The following UGCG variants were observed in gnomAD, a reference collection of about 807,000 sequenced individuals.
UGCG encodes UDP-glucose ceramide glucosyltransferase, also known as ceramide glucosyltransferase.
A neutral mutation model predicts 49.5 loss-of-function variants in UGCG; 10 were observed. That is an observed-to-expected ratio of 0.20 (90% CI 0.12 to 0.34). The LOEUF (loss-of-function observed/expected upper bound fraction) is 0.34, where lower values mean the gene tolerates loss of function less well. UGCG is among the 10% of genes least tolerant of loss of function. UGCG has a pLI of 1.00. For synonymous variants in UGCG, 182 were observed against 158.2 expected, an observed-to-expected ratio of 1.15 and a Z score of -1.13; for missense variants, 312 against 483.7, an observed-to-expected ratio of 0.65 and a Z score of 3.33.
chr9:111,916,898 A>T (rs1838122490), intron 2 of UGCG, among the ~76,000 whole-genome samples: 1 of 151,350 alleles, frequency 6.6e-6, no homozygotes, highest in South Asian at 2.1e-4. Context: ...TAATCCTAGC[A>T]CTTTGGGAGG....
At chr9:111,929,123 G>GTA (rs2118596851) in intron 5 of UGCG, 1 of 162,820 alleles carries the variant, frequency 6.1e-6, no homozygotes, top group African/African-American at 2.4e-5. Context: ...ATGCATGCAT[G>GTA]TATATATACA....
In UGCG at chr9:111,933,053, T is replaced by C; in HGVS notation, c.*56T>C. The stretch of plus-strand genomic sequence containing the variant: ...AAAGAGAAGTATTATAAATTATGTT[T>C]ATATAAATGCTTTTAAAAATCTACC... On this transcript the variant is annotated 3_prime_UTR_variant, in exon 9 of 9. Transcript: ENST00000374279. The C allele has an allele frequency of 7.5e-7, 1 of 1,336,680 alleles. No individual in the cohort carries two copies. The highest frequency in any genetic ancestry group is 3.1e-5 in the Admixed American group (1 of 32,666). 82.8% of individuals were successfully genotyped at this position (1,336,680 alleles called of 1,614,324 possible).
intron 1 of UGCG, among the ~76,000 whole-genome samples, chr9:111,912,633 T>C (rs1838034021): frequency 6.6e-6 from 1 of 152,040 alleles, no homozygotes; most frequent in Non-Finnish European, 1.5e-5. Flanking sequence ...TTTGGTAAAC[T>C]ACAATAAAAA....
At chr9:111,932,529 G>T (rs762756514) in intron 8 of UGCG, among the ~76,000 whole-genome samples, 170 bp downstream of exon 8, 1 of 152,180 alleles carries the variant, frequency 6.6e-6, no homozygotes, top group Non-Finnish European at 1.5e-5. Context: ...CAAAACTTAA[G>T]TCGATTTGCA....
At chr9:111,925,488 T>C (rs1330813567) in intron 4 of UGCG, among the ~76,000 whole-genome samples, 1 of 152,266 alleles carries the variant, frequency 6.6e-6, no homozygotes, top group Non-Finnish European at 1.5e-5. Flanking sequence ...GTAGGATGTT[T>C]AGCAGCATGC....
chr9:111,897,391 C>T (rs1837683510), intron 1 of UGCG, 78 bp downstream of exon 1: 1 of 1,197,578 alleles, frequency 8.4e-7, no homozygotes, highest in Non-Finnish European at 1.2e-6. Context: ...AACGTTTGCG[C>T]TTTGAAGGGG....
At chr9:111,932,792 G>C in intron 8 of UGCG, 35 bp from the exon 9 acceptor site, 2 of 1,510,872 alleles carry the variant, frequency 1.3e-6, no homozygotes, top group Non-Finnish European at 1.8e-6. Context: ...GTTTGACAGT[G>C]AGTGAAATTA....
At chr9:111,908,149 G>T (rs948232277) in intron 1 of UGCG, among the ~76,000 whole-genome samples, 6 of 152,182 alleles carry the variant, frequency 3.9e-5, no homozygotes, top group African/African-American at 1.4e-4. Flanking sequence ...GACAGAGTCA[G>T]TGCTGCACAC....
At chr9:111,917,735 C>T (rs944163134) in intron 2 of UGCG, among the ~76,000 whole-genome samples, 7 of 152,188 alleles carry the variant, frequency 4.6e-5, no homozygotes, top group Admixed American at 1.3e-4. Flanking sequence ...AAGATCTCTG[C>T]GCTGTATTCA....
chr9:111,918,869 G>A (rs554691685), intron 2 of UGCG, among the ~76,000 whole-genome samples: 215 of 149,468 alleles, frequency 1.4e-3, no homozygotes, highest in Admixed American at 2.7e-3. Context: ...AGCTTGCAGT[G>A]AGCGGAGATC....
At chr9:111,905,789 T>C (rs920350863) in intron 1 of UGCG, among the ~76,000 whole-genome samples, 1 of 152,180 alleles carries the variant, frequency 6.6e-6, no homozygotes, top group Non-Finnish European at 1.5e-5. Flanking sequence ...TAATAATATA[T>C]TCCTTCTTGG....
At chr9:111,922,106 C>T (rs1388870225) in intron 2 of UGCG, among the ~76,000 whole-genome samples, 1 of 150,962 alleles carries the variant, frequency 6.6e-6, no homozygotes, top group African/African-American at 2.4e-5. Flanking sequence ...AGCCACCGTG[C>T]CCAGCCCCAG....
chr9:111,900,056 T>C (rs1226827665), intron 1 of UGCG, among the ~76,000 whole-genome samples: 3 of 152,114 alleles, frequency 2.0e-5, no homozygotes, highest in Non-Finnish European at 4.4e-5. Flanking sequence ...TTGTTGAGAT[T>C]GAAGATTTCC....
At chr9:111,912,769 T>C (rs1383533669) in intron 1 of UGCG, among the ~76,000 whole-genome samples, 1 of 152,138 alleles carries the variant, frequency 6.6e-6, no homozygotes, top group African/African-American at 2.4e-5. Context: ...AGACCACACT[T>C]TGAGTAGCAC....
intron 1 of UGCG, among the ~76,000 whole-genome samples, chr9:111,907,949 A>G (rs976197288): frequency 6.6e-6 from 1 of 152,176 alleles, no homozygotes; most frequent in Non-Finnish European, 1.5e-5. Context: ...TCTGTGTCAT[A>G]GGAATCACTG....
intron 1 of UGCG, among the ~76,000 whole-genome samples, chr9:111,913,069 A>G (rs911699879): frequency 6.6e-6 from 1 of 152,228 alleles, no homozygotes; most frequent in African/African-American, 2.4e-5. Context: ...AGTGGATTTT[A>G]TCAAATCAAG....
chr9:111,916,161 A>G (rs918477097), intron 2 of UGCG, among the ~76,000 whole-genome samples: 3 of 152,218 alleles, frequency 2.0e-5, no homozygotes, highest in Non-Finnish European at 4.4e-5. Context: ...GCTTTGCAGT[A>G]AGAAAAATGG....
At chr9:111,919,234 T>C (rs1346833979) in intron 2 of UGCG, among the ~76,000 whole-genome samples, 1 of 152,240 alleles carries the variant, frequency 6.6e-6, no homozygotes, top group Non-Finnish European at 1.5e-5. Flanking sequence ...GCATAGTGGC[T>C]CATGCCTGTA....
chr9:111,896,975 A>C lies in UGCG; in HGVS notation c.-241A>C, dbSNP rs981550886. Reference sequence around the variant, plus strand: ...CGGTCGCCCCGACCAGAGCCGGGAGACCGCAGCACCCGCAGCCGCCCGCGA... The same window carrying C: ...CGGTCGCCCCGACCAGAGCCGGGAGCCCGCAGCACCCGCAGCCGCCCGCGA... On this transcript the variant is annotated 5_prime_UTR_variant, in exon 1 of 9. Transcript: ENST00000374279. 1.9e-5 allele frequency: 4 copies of C among 206,422 alleles called. No homozygotes were observed. Among genetic ancestry groups the C allele is most frequent in the Non-Finnish European group, 2.7e-5 (3 of 111,060 alleles). 12.8% of individuals were successfully genotyped at this position (206,422 alleles called of 1,614,324 possible). A position where few individuals can be genotyped will look rare whatever the true frequency, so the allele number is the denominator to read the frequency against.
Sources: gnomAD v4.1 joint callset for allele counts (sites outside exome capture counted in the v4.1 genomes callset) on GRCh38, gnomAD v4.1.1 for gene constraint, MANE v1.5 for transcripts, NCBI Gene and HGNC (gene_info 2026-07-23, HGNC 2026-07-21) for gene names.